Variants in SUGCT observed in about 807,000 individuals in gnomAD.
SUGCT encodes the protein succinyl-CoA:glutarate CoA-transferase.
A neutral mutation model predicts 55.0 loss-of-function variants in SUGCT; 41 were observed. The ratio of observed to expected loss-of-function variants is 0.74; its 90% CI spans 0.58 to 0.97. SUGCT has a LOEUF of 0.97. Ranked by LOEUF, SUGCT falls within the 50% of genes least tolerant of loss-of-function variation. The pLI is 0.00. For synonymous variants in SUGCT, 187 were observed against 200.4 expected (o/e 0.93, Z 0.56); for missense variants, 568 against 547.8 (o/e 1.04, Z -0.37).
At chr7:40,542,060 G>T (rs748638322) in intron 12 of SUGCT, among the ~76,000 whole-genome samples, 2 of 152,184 alleles carry the variant, frequency 1.3e-5, no homozygotes, top group African/African-American at 2.4e-5. Context: ...GTGGCAAGGG[G>T]CAAGGATCAT....
At chr7:40,295,358 C>T (rs899194987) in intron 8 of SUGCT, among the ~76,000 whole-genome samples, 3 of 152,034 alleles carry the variant, frequency 2.0e-5, no homozygotes, top group African/African-American at 7.3e-5. Flanking sequence ...GGCGGATCAC[C>T]TGAGGTCAGG....
chr7:40,680,841 C>A (rs1250300939), intron 12 of SUGCT, among the ~76,000 whole-genome samples: 1 of 152,100 alleles, frequency 6.6e-6, no homozygotes, highest in Admixed American at 6.5e-5. Flanking sequence ...AGTAGTAGTA[C>A]AGTAGGTGAG....
chr7:40,146,076 T>C (rs1002896696), intron 1 of SUGCT, among the ~76,000 whole-genome samples: 1 of 152,110 alleles, frequency 6.6e-6, no homozygotes, highest in African/African-American at 2.4e-5. Flanking sequence ...TTAAGGTTCT[T>C]GAGTCAGTAA....
chr7:40,470,169 T>A (rs182242165), intron 11 of SUGCT, among the ~76,000 whole-genome samples: 495 of 152,194 alleles, frequency 3.3e-3, no homozygotes, highest in Non-Finnish European at 5.7e-3. Context: ...GGATGGAGAA[T>A]CTGGAGTTTG....
At chr7:40,702,694 G>GT (rs145953408) in intron 12 of SUGCT, among the ~76,000 whole-genome samples, 86 of 152,334 alleles carry the variant, frequency 5.6e-4, no homozygotes, top group African/African-American at 2.0e-3. Flanking sequence ...TCGGCTCCAT[G>GT]TTTTGGGGGT....
chr7:40,770,447 A>G (rs1222981511), intron 13 of SUGCT, among the ~76,000 whole-genome samples: 2 of 152,094 alleles, frequency 1.3e-5, no homozygotes, highest in Non-Finnish European at 2.9e-5. Context: ...ACAAGATGGC[A>G]TTTCGAGCTT....
intron 8 of SUGCT, among the ~76,000 whole-genome samples, chr7:40,304,710 C>G (rs1005290622): frequency 8.0e-5 from 10 of 125,218 alleles, no homozygotes; most frequent in Non-Finnish European, 1.3e-4. Flanking sequence ...TCCTGAGTTA[C>G]TTCACTTAGA....
At chr7:40,410,907 A>T (rs1434934964) in intron 9 of SUGCT, among the ~76,000 whole-genome samples, 1 of 152,186 alleles carries the variant, frequency 6.6e-6, no homozygotes, top group Non-Finnish European at 1.5e-5. Flanking sequence ...AAAAAATATT[A>T]ATCAGGATTG....
intron 1 of SUGCT, among the ~76,000 whole-genome samples, chr7:40,160,806 C>A (rs1195608795): frequency 2.0e-5 from 3 of 151,922 alleles, no homozygotes. Context: ...TAGTGACATG[C>A]AAATTTTTAA....
At chr7:40,637,752 T>A (rs1327614276) in intron 12 of SUGCT, among the ~76,000 whole-genome samples, 1 of 152,240 alleles carries the variant, frequency 6.6e-6, no homozygotes, top group Non-Finnish European at 1.5e-5. Flanking sequence ...TACTCACACA[T>A]TAACTAATTG....
chr7:40,727,251 G>A (rs777602606), intron 12 of SUGCT, among the ~76,000 whole-genome samples: 10 of 152,152 alleles, frequency 6.6e-5, no homozygotes, highest in Non-Finnish European at 1.2e-4. Flanking sequence ...TTGTCCCCTG[G>A]AAGTTATTCT....
chr7:40,366,013 T>A (rs768792517), intron 9 of SUGCT, among the ~76,000 whole-genome samples: 2 of 152,052 alleles, frequency 1.3e-5, no homozygotes, highest in Non-Finnish European at 2.9e-5. Context: ...ACTTCAAACT[T>A]TACTACGAGG....
intron 5 of SUGCT, among the ~76,000 whole-genome samples, chr7:40,193,923 A>G (rs940270344): frequency 6.6e-6 from 1 of 152,118 alleles, no homozygotes; most frequent in Non-Finnish European, 1.5e-5. Context: ...TTTTAAAAGT[A>G]TGTAGTCACA....
intron 13 of SUGCT, among the ~76,000 whole-genome samples, chr7:40,851,077 T>C (rs979145779): frequency 1.3e-5 from 2 of 152,160 alleles, no homozygotes; most frequent in Non-Finnish European, 2.9e-5. Context: ...GAGGCACAGG[T>C]TCAGTAAGTA....
chr7:40,710,333 T>A (rs1785647730), intron 12 of SUGCT, among the ~76,000 whole-genome samples: 1 of 152,220 alleles, frequency 6.6e-6, no homozygotes, highest in Non-Finnish European at 1.5e-5. Flanking sequence ...AAGCCATTTG[T>A]AAATTTTTAT....
the SUGCT span, among the ~76,000 whole-genome samples, chr7:40,923,356 A>C: frequency 6.6e-6 from 1 of 152,324 alleles, no homozygotes; most frequent in East Asian, 1.9e-4. Flanking sequence ...ATCAGAAAAA[A>C]CAAGGGCATT....
intron 12 of SUGCT, among the ~76,000 whole-genome samples, chr7:40,548,339 C>T (rs1008697567): frequency 1.3e-5 from 2 of 151,860 alleles, no homozygotes; most frequent in African/African-American, 4.8e-5. Flanking sequence ...CAGGCACACC[C>T]CATGGCACAC....
chr7:40,230,674 A>G (rs1029499606), intron 6 of SUGCT, among the ~76,000 whole-genome samples: 1 of 152,204 alleles, frequency 6.6e-6, no homozygotes, highest in Non-Finnish European at 1.5e-5. Context: ...GTGAATGTAG[A>G]AGGAGCAGTC....
intron 12 of SUGCT, among the ~76,000 whole-genome samples, chr7:40,536,392 G>C (rs745609664): frequency 6.6e-6 from 1 of 152,208 alleles, no homozygotes; most frequent in Non-Finnish European, 1.5e-5. Context: ...CTGAAGGTAC[G>C]GGGACAGAAA....
Sources: allele counts gnomAD v4.1 joint callset (sites outside exome capture counted in the v4.1 genomes callset), GRCh38; gene constraint gnomAD v4.1.1; transcripts MANE v1.5; gene names NCBI Gene and HGNC (gene_info 2026-07-23, HGNC 2026-07-21).